Variants in OSBPL10 observed in about 807,000 individuals in gnomAD.
OSBPL10 encodes the protein oxysterol binding protein like 10.
OSBPL10 carries 49 observed loss-of-function variants against 81.7 expected under a neutral mutation model. The observed-to-expected ratio is 0.60, with a 90% CI of 0.48 to 0.76. OSBPL10 has a LOEUF of 0.76. Ranked by LOEUF, OSBPL10 falls within the 30% of genes least tolerant of loss-of-function variation. The pLI is 0.00. For missense variants in OSBPL10, 923 were observed against 987.8 expected (o/e 0.93, Z 0.88); for synonymous variants, 419 against 383.6 (o/e 1.09, Z -1.08).
chr3:31,783,804 AAAAAAAAAAAAAAAAAAAAAT>A (rs1698774360), intron 4 of OSBPL10, among the ~76,000 whole-genome samples: 2 of 67,262 alleles, frequency 3.0e-5, no homozygotes, highest in East Asian at 3.3e-4. Context: ...AAAAAAAAAA[AAAAAAAAAAAAAAAAAAAAAT>A]ATATATATAT....
At chr3:31,666,363 G>A (rs754810741) in intron 10 of OSBPL10, among the ~76,000 whole-genome samples, 1 of 152,232 alleles carries the variant, frequency 6.6e-6, no homozygotes, top group Non-Finnish European at 1.5e-5. Context: ...TTCCCTTCCA[G>A]GAATTCTAGT....
chr3:31,774,213 G>A (rs1698478663), intron 4 of OSBPL10, among the ~76,000 whole-genome samples: 1 of 151,786 alleles, frequency 6.6e-6, no homozygotes, highest in Non-Finnish European at 1.5e-5. Context: ...ATGCTTTTCA[G>A]GAGATTCCTT....
intron 3 of OSBPL10, among the ~76,000 whole-genome samples, chr3:31,870,209 C>A (rs538431965): frequency 3.3e-5 from 5 of 152,360 alleles, no homozygotes; most frequent in Admixed American, 2.0e-4. Flanking sequence ...GGGCCCCGCA[C>A]TCCGAGCAGC....
intron 1 of OSBPL10, among the ~76,000 whole-genome samples, chr3:31,952,880 A>G (rs1031831737): frequency 6.6e-6 from 1 of 151,572 alleles, no homozygotes; most frequent in South Asian, 2.1e-4. Flanking sequence ...TTCTGGTTCA[A>G]CTGGTCCAGG....
At chr3:31,948,988 A>C (rs1697783808) in intron 1 of OSBPL10, among the ~76,000 whole-genome samples, 1 of 152,194 alleles carries the variant, frequency 6.6e-6, no homozygotes, top group South Asian at 2.1e-4. Flanking sequence ...GTGTTTGGTA[A>C]GGTGCCAGAG....
chr3:32,049,710 A>G (rs1375554360), intron 1 of OSBPL10, among the ~76,000 whole-genome samples: 1 of 152,156 alleles, frequency 6.6e-6, no homozygotes, highest in Non-Finnish European at 1.5e-5. Flanking sequence ...GCTATGAGTG[A>G]CAGGATTAGG....
chr3:31,980,366 A>G (rs1385515037), intron 1 of OSBPL10, among the ~76,000 whole-genome samples: 1 of 152,212 alleles, frequency 6.6e-6, no homozygotes, highest in African/African-American at 2.4e-5. Context: ...AAACTGGGGC[A>G]GGAGTATGCA....
intron 6 of OSBPL10, among the ~76,000 whole-genome samples, chr3:31,719,299 G>A (rs1351333288): frequency 6.6e-6 from 1 of 152,074 alleles, no homozygotes; most frequent in African/African-American, 2.4e-5. Context: ...CCCAAAAGGT[G>A]GAAAAATACT....
intron 4 of OSBPL10, among the ~76,000 whole-genome samples, chr3:31,752,662 A>G (rs973911937): frequency 3.9e-5 from 6 of 152,206 alleles, no homozygotes; most frequent in Non-Finnish European, 5.9e-5. Flanking sequence ...AAGATCAAAA[A>G]CCAATGATAT....
At chr3:31,818,367 C>A (rs1303570727) in intron 4 of OSBPL10, among the ~76,000 whole-genome samples, 1 of 152,182 alleles carries the variant, frequency 6.6e-6, no homozygotes, top group African/African-American at 2.4e-5. Flanking sequence ...GCCCACCCTG[C>A]AGATTTTGAA....
At chr3:31,802,896 T>C (rs1358196944) in intron 4 of OSBPL10, among the ~76,000 whole-genome samples, 2 of 151,950 alleles carry the variant, frequency 1.3e-5, no homozygotes, top group African/African-American at 4.8e-5. Context: ...CAGTCAGCTC[T>C]AGTTGGTCAC....
At chr3:31,822,801 C>T (rs1035872359) in intron 4 of OSBPL10, among the ~76,000 whole-genome samples, 1 of 150,020 alleles carries the variant, frequency 6.7e-6, no homozygotes, top group Non-Finnish European at 1.5e-5. Flanking sequence ...ATACTCCTAG[C>T]TACTCAGGAG....
intron 1 of OSBPL10, among the ~76,000 whole-genome samples, chr3:31,966,865 A>G (rs1479526670): frequency 6.6e-6 from 1 of 152,184 alleles, no homozygotes; most frequent in Non-Finnish European, 1.5e-5. Context: ...GTCATTAGCT[A>G]TCAGCCAATT....
intron 3 of OSBPL10, among the ~76,000 whole-genome samples, chr3:31,862,433 C>T (rs1485300559): frequency 6.6e-6 from 1 of 152,060 alleles, no homozygotes; most frequent in Admixed American, 6.6e-5. Context: ...TGTCTGCGTT[C>T]CACCCTAGAA....
At chr3:32,015,571 A>C (rs1033873623) in intron 2 of OSBPL10, among the ~76,000 whole-genome samples, 2 of 152,222 alleles carry the variant, frequency 1.3e-5, no homozygotes, top group African/African-American at 4.8e-5. Flanking sequence ...CACCAAAAGC[A>C]ATGGCAACAA....
At chr3:31,714,974 C>CAAAAAAA (rs61228474) in intron 6 of OSBPL10, 1 of 76,530 alleles carries the variant, frequency 1.3e-5, no homozygotes, top group African/African-American at 3.9e-5. Flanking sequence ...AGGGCTGTGT[C>CAAAAAAA]AAAAAAAAAA....
chr3:31,750,224 G>T (rs1054122869), intron 4 of OSBPL10, among the ~76,000 whole-genome samples: 3 of 152,072 alleles, frequency 2.0e-5, no homozygotes, highest in African/African-American at 7.2e-5. Context: ...CCCAATCCCA[G>T]GCACACCTAT....
At chr3:31,700,573 G>C (rs1167520486) in intron 7 of OSBPL10, 1 of 152,118 alleles carries the variant, frequency 6.6e-6, no homozygotes, top group African/African-American at 2.4e-5. Flanking sequence ...AGAATGCTCT[G>C]ATATTTTCTT....
At chr3:31,858,266 G>T (rs1700976888) in intron 3 of OSBPL10, among the ~76,000 whole-genome samples, 1 of 152,092 alleles carries the variant, frequency 6.6e-6, no homozygotes, top group Non-Finnish European at 1.5e-5. Flanking sequence ...CTTCCAAAGT[G>T]CTGGGATTAC....
Sources: allele counts gnomAD v4.1 joint callset (sites outside exome capture counted in the v4.1 genomes callset), GRCh38; gene constraint gnomAD v4.1.1; transcripts MANE v1.5; gene names NCBI Gene and HGNC (gene_info 2026-07-23, HGNC 2026-07-21).